The following AGAP3 variants were observed in gnomAD, a reference collection of about 807,000 sequenced individuals.
The protein encoded by AGAP3 is arf-GAP with GTPase, ANK repeat and PH domain-containing protein 3.
Under a neutral mutation model 96.9 loss-of-function variants are expected in AGAP3, and 24 were observed. That is an observed-to-expected ratio of 0.25 (90% CI 0.18 to 0.35). The LOEUF (loss-of-function observed/expected upper bound fraction) is 0.35. Among genes scored for constraint, AGAP3 ranks in the 10% least tolerant of loss-of-function variants. The pLI is 1.00. For synonymous variants in AGAP3, 563 were observed against 536.1 expected (o/e 1.05, Z -0.69); for missense variants, 876 against 1,254.2 (o/e 0.70, Z 4.55).
intron 1 of AGAP3, among the ~76,000 whole-genome samples, chr7:151,089,458 A>AAGGGGC (rs1298779442): frequency 6.6e-6 from 1 of 151,102 alleles, no homozygotes; most frequent in African/African-American, 2.4e-5. Context: ...TCTCGGTGGA[A>AAGGGGC]AGGGGCGGCA....
chr7:151,123,424 T>C lies in AGAP3; in HGVS notation c.1129-370T>C. 6.3e-6 allele frequency: 7 copies of C among 1,118,334 alleles called. No homozygotes were observed. In the South Asian group the frequency reaches 1.7e-4, roughly 28 times the overall value. The allele number at this position is 1,118,334 out of a possible 1,614,324, so 69.3% of individuals were successfully genotyped here. The stretch of plus-strand genomic sequence containing the variant: ...GACGGGCCATCTGCCCGCTCACTTG[T>C]GGACTTTGCGCTCCCGGTTGTCGCG... On this transcript the variant is annotated intron_variant, in intron 8 of 17. Transcript: ENST00000397238.
At chr7:151,104,570 A>T (rs1798964878) in intron 1 of AGAP3, among the ~76,000 whole-genome samples, 1 of 152,232 alleles carries the variant, frequency 6.6e-6, no homozygotes, top group Admixed American at 6.5e-5. Context: ...GCGCAACCTC[A>T]CTAGTAATCA....
At chr7:151,107,129 G>A (rs1479516360) in intron 1 of AGAP3, among the ~76,000 whole-genome samples, 1 of 152,072 alleles carries the variant, frequency 6.6e-6, no homozygotes, top group African/African-American at 2.4e-5. Context: ...GGCCAACATG[G>A]TGAAACCCCG....
rs533691555 is a variant in AGAP3 at position 151,142,861 on chromosome 7, C to A, written c.2273+227C>A. Among the ~76,000 whole-genome samples, 26 of 152,348 alleles carry A rather than the reference C, an allele frequency of 1.7e-4. No homozygotes were observed. Among genetic ancestry groups the A allele is most frequent in the African/African-American group, 5.5e-4 (23 of 41,582 alleles). On this transcript the variant is annotated intron_variant, in intron 16 of 17. Transcript: ENST00000397238. The surrounding 1 kb of genome is among the most constrained non-coding windows in gnomAD (Gnocchi z 7.5). ...GCGTTATCAGCAGGTCAGGGGCCAG[C>A]AGGAGGCGCATGCGCAGGGCCCCTA...
chr7:151,089,244 T>A (rs1031485095), intron 1 of AGAP3, among the ~76,000 whole-genome samples: 2 of 152,228 alleles, frequency 1.3e-5, no homozygotes, highest in African/African-American at 2.4e-5. Context: ...CCAAACCATA[T>A]TGCTTCTGTC....
At chr7:151,117,313 T>C in intron 3 of AGAP3, 58 bp from the exon 4 acceptor site, 1 of 1,609,150 alleles carries the variant, frequency 6.2e-7, no homozygotes, top group Non-Finnish European at 8.5e-7. Context: ...TGTAGATTTC[T>C]TCTTGGCCCC....
rs61740575 is a variant in AGAP3, at chr7:151,117,717, C to G, written c.646C>G (p.Leu216Val). 1 of 1,614,054 alleles carries G rather than the reference C, an allele frequency of 6.2e-7. No individual in the cohort carries two copies. Among genetic ancestry groups the G allele is most frequent in the African/African-American group, 1.3e-5 (1 of 74,926 alleles). The change falls in exon 5 of 18, where the codon CTG becomes GTG. Residue 216 changes from leucine (L) to valine (V), a missense_variant. By Grantham distance (32) the Leu-to-Val change is conservative. Coordinates refer to ENST00000397238, the MANE Select transcript of AGAP3 (RefSeq NM_031946.7). ...TTTCCAGACGGTGTACAACTACTTC[C>G]TGCGTCTCTGCAGCTTCCGCAACGC... ...ISFQTVYNYF[L>V]RLCSFRNASE...
rs770449667 is a variant in AGAP3 at position 151,118,389 on chromosome 7, G to C, written c.841+45G>C. The C allele has an allele frequency of 1.3e-6, 2 of 1,596,720 alleles. No homozygotes were observed. Among genetic ancestry groups the C allele is most frequent in the Non-Finnish European group, 1.7e-6 (2 of 1,166,936 alleles). On this transcript the variant is annotated intron_variant, in intron 6 of 17. Transcript: ENST00000397238. The surrounding 1 kb of genome is among the most constrained non-coding windows in gnomAD (Gnocchi z 6.1). ...GGAGTCACTGGCAGCCGCGGCCCCAGTGCTGGCGATAGGAAGGCTCCCAGT... is the reference window on the plus strand; with the variant it reads ...GGAGTCACTGGCAGCCGCGGCCCCACTGCTGGCGATAGGAAGGCTCCCAGT...
chr7:151,105,792 C>CCACA (rs60071807), intron 1 of AGAP3, among the ~76,000 whole-genome samples: 8,720 of 26,712 alleles, frequency 0.33, 1,808 homozygotes, highest in Non-Finnish European at 0.36. Context: ...CCCCCCGACA[C>CCACA]CACACACACA....
At chr7:151,116,897 G>GT in intron 2 of AGAP3, 46 bp downstream of exon 2, 1 of 1,611,124 alleles carries the variant, frequency 6.2e-7, no homozygotes, top group Non-Finnish European at 8.5e-7. Context: ...AGCTGGGGGG[G>GT]CGAGGCTGGG....
At chr7:151,128,506 C>G in intron 9 of AGAP3, 74 bp from the exon 10 acceptor site, 5 of 1,294,500 alleles carry the variant, frequency 3.9e-6, no homozygotes, top group Non-Finnish European at 5.6e-6. Flanking sequence ...CATTGCCTGA[C>G]GACATCGTGA....
In AGAP3 at chr7:151,116,865, A is replaced by T; in HGVS notation, c.390+14A>T. 3 of 1,613,404 alleles carry T rather than the reference A, an allele frequency of 1.9e-6. No homozygotes were observed. The highest frequency in any genetic ancestry group is 2.5e-6 in the Non-Finnish European group (3 of 1,179,796). On this transcript the variant is annotated intron_variant, in intron 2 of 17. Coordinates refer to ENST00000397238, the MANE Select transcript of AGAP3 (RefSeq NM_031946.7). ...GAGCTTAAAGTGGTGAGTGTGGCCC[A>T]TGGGCAGCACCGGCGGCCTGGAGCT...
At chr7:151,115,627 T>TGC in intron 1 of AGAP3, 1 of 1,167,548 alleles carries the variant, frequency 8.6e-7, no homozygotes, top group Non-Finnish European at 1.1e-6. Context: ...CCGGAGCTCC[T>TGC]GCGCGCGCCC....
In AGAP3 at chr7:151,123,823, G is replaced by A. The variant is rs534342204; in HGVS notation, c.1158G>A (p.Glu386=). 11 of 1,612,798 alleles carry A rather than the reference G, an allele frequency of 6.8e-6. No homozygotes were observed. In the African/African-American group the frequency reaches 8.0e-5, roughly 12 times the overall value. The change falls in exon 9 of 18, where the codon GAG becomes GAA. Residue 386 remains glutamate (E), a synonymous_variant. Transcript: ENST00000397238. ...TSRKGADLDR[E]KKAAECKVDS... ...GGAAGGGTGCTGACCTGGACCGGGAGAAGAAGGCTGCCGAGTGCAAGGTGG... is the reference window on the plus strand; with the variant it reads ...GGAAGGGTGCTGACCTGGACCGGGAAAAGAAGGCTGCCGAGTGCAAGGTGG...
intron 9 of AGAP3, among the ~76,000 whole-genome samples, chr7:151,126,753 G>C (rs965868432): frequency 2.6e-5 from 4 of 152,236 alleles, no homozygotes; most frequent in African/African-American, 9.6e-5. Context: ...CCAAGGCCCA[G>C]CCTACCTGGA....
At chr7:151,111,205 C>G (rs1585061277) in intron 1 of AGAP3, among the ~76,000 whole-genome samples, 1 of 152,204 alleles carries the variant, frequency 6.6e-6, no homozygotes, top group East Asian at 1.9e-4. Context: ...ACTGCCTCAG[C>G]CCCGGCTGCA....
intron 8 of AGAP3, chr7:151,123,353 A>C: frequency 9.6e-7 from 1 of 1,042,234 alleles, no homozygotes; most frequent in South Asian, 3.5e-5. Context: ...CCCTTGGGCC[A>C]CGCCGACGCG....
chr7:151,114,242 G>C lies in AGAP3; in HGVS notation c.332-2551G>C, dbSNP rs1200847876. Among the ~76,000 whole-genome samples, 1 of 152,230 alleles carries C rather than the reference G, an allele frequency of 6.6e-6. No homozygotes were observed. ...TTGAAGCTCGCGTGCTGCAGACGAG[G>C]ACACGCGCGCAGACCCGGCATGGCT... On this transcript the variant is annotated intron_variant, in intron 1 of 17. Coordinates refer to ENST00000397238, the MANE Select transcript of AGAP3 (RefSeq NM_031946.7). This position sits in a 1 kb window ranked among gnomAD's most constrained non-coding sequence, Gnocchi z 4.4.
Position 151,141,107 on chromosome 7 carries a change from C to A in AGAP3, c.1805-791C>A, listed in dbSNP as rs980270951. The A allele has an allele frequency of 6.6e-6, 1 of 152,172 alleles. No homozygotes were observed. The highest frequency in any genetic ancestry group is 1.5e-5 in the Non-Finnish European group (1 of 68,044). The allele number at this position is 152,172 out of a possible 1,614,324, so 9.4% of individuals were successfully genotyped here. On this transcript the variant is annotated intron_variant, in intron 13 of 17. Coordinates refer to ENST00000397238, the MANE Select transcript of AGAP3 (RefSeq NM_031946.7). The surrounding 1 kb of genome is among the most constrained non-coding windows in gnomAD (Gnocchi z 4.2). ...TGGGGCCTTACCACAGGCACCTGTG[C>A]TGTCTTTCCAGCCCCCAGGACACAG... is the stretch of plus-strand genomic sequence containing the variant.
Sources: gnomAD v4.1 joint callset for allele counts (sites outside exome capture counted in the v4.1 genomes callset) on GRCh38, gnomAD v4.1.1 for gene constraint, Gnocchi (gnomAD v3.1) non-coding constraint, MANE v1.5 for transcripts, NCBI Gene and HGNC (gene_info 2026-07-23, HGNC 2026-07-21) for gene names.